The following PRDM5 variants were observed in gnomAD, a reference collection of about 807,000 sequenced individuals.
PRDM5 encodes the protein PR domain zinc finger protein 5.
PRDM5 carries 56 observed loss-of-function variants against 81.2 expected under a neutral mutation model. The observed-to-expected ratio is 0.69, with a 90% CI of 0.56 to 0.86. The LOEUF is 0.86. PRDM5 is among the 40% of genes least tolerant of loss of function. PRDM5 has a pLI of 0.00. For missense variants in PRDM5, 697 were observed against 770.1 expected (o/e 0.91, Z 1.12); for synonymous variants, 267 against 256.4 (o/e 1.04, Z -0.39).
intron 13 of PRDM5, among the ~76,000 whole-genome samples, chr4:120,758,851 G>A (rs1207322138): frequency 6.6e-6 from 1 of 151,888 alleles, no homozygotes; most frequent in Non-Finnish European, 1.5e-5. Flanking sequence ...TGCCTCCCGG[G>A]TTCACACCAT....
intron 14 of PRDM5, among the ~76,000 whole-genome samples, chr4:120,743,720 G>A (rs1439297307): frequency 7.6e-5 from 8 of 105,954 alleles, no homozygotes; most frequent in Non-Finnish European, 1.5e-4. Context: ...AATTCAACAA[G>A]AAGAGCTAAC....
intron 2 of PRDM5, among the ~76,000 whole-genome samples, chr4:120,856,532 C>T (rs1324212939): frequency 1.3e-5 from 2 of 152,150 alleles, no homozygotes; most frequent in African/African-American, 4.8e-5. Context: ...TCCACCAAAG[C>T]TGGTAGATTA....
At chr4:120,709,252 T>C (rs896073729) in intron 15 of PRDM5, among the ~76,000 whole-genome samples, 2 of 152,190 alleles carry the variant, frequency 1.3e-5, no homozygotes, top group African/African-American at 4.8e-5. Context: ...TTTGCCTTTA[T>C]GAAAATCCTT....
chr4:120,715,234 A>C (rs925858203), intron 14 of PRDM5, among the ~76,000 whole-genome samples: 6 of 152,290 alleles, frequency 3.9e-5, no homozygotes, highest in Admixed American at 6.5e-5. Context: ...CCTGAGGGCT[A>C]TCATTACTTT....
chr4:120,742,529 G>GA lies in PRDM5; in HGVS notation c.1623+12023dup, dbSNP rs537682711. On this transcript the variant is annotated intron_variant, in intron 14 of 15. Transcript: ENST00000264808. ...CAAAGGCAAAGAAGTTGAAAACTTT[G>GA]AAAAAAATTTAGAAGAATGTATAAC... Among the ~76,000 whole-genome samples the GA allele has an allele frequency of 2.4e-3, 359 of 151,874 alleles. 1 individual carries two copies. The highest frequency in any genetic ancestry group is 8.3e-3 in the African/African-American group (344 of 41,500).
rs1295853678 is a variant in PRDM5, at chr4:120,695,139, T to C, written c.1865A>G (p.Asp622Gly). 2 of 1,613,380 alleles carry C rather than the reference T, an allele frequency of 1.2e-6. No individual in the cohort carries two copies. The highest frequency in any genetic ancestry group is 1.7e-5 in the Admixed American group (1 of 59,986). The change falls in exon 16 of 16, where the codon GAC (aspartate) becomes GGC (glycine). Residue 622 changes from aspartate (D) to glycine (G), a missense_variant. Physicochemically the swap from Asp to Gly is moderately conservative, Grantham distance 94. Around this residue, in one of 3 missense-constraint regions of PRDM5, gnomAD observed 34 missense variants for 28.1 expected, o/e 1.21. Transcript: ENST00000264808. ...TRNDYLKVHMDNIHGVADS is the reference protein window; with the variant it reads ...TRNDYLKVHMGNIHGVADS Reference sequence around the variant, plus strand: ...GCTGTCAGCTACACCATGGATATTGTCCATGTGCACTTTGAGGTAGTCATT... The same window carrying C: ...GCTGTCAGCTACACCATGGATATTGCCCATGTGCACTTTGAGGTAGTCATT...
chr4:120,839,222 T>C (rs200110259), intron 3 of PRDM5: 1 of 702,958 alleles, frequency 1.4e-6, no homozygotes, highest in Non-Finnish European at 2.6e-6. Context: ...CTCAGTCTTG[T>C]CTGTGTTACA....
chr4:120,922,449 G>A, intron 1 of PRDM5, 67 bp downstream of exon 1: 1 of 1,309,922 alleles, frequency 7.6e-7, no homozygotes, highest in Non-Finnish European at 9.8e-7. Flanking sequence ...CCCTGCGGCA[G>A]GGCGACTCCG....
chr4:120,741,588 A>G (rs1741977210), intron 14 of PRDM5, among the ~76,000 whole-genome samples: 2 of 152,018 alleles, frequency 1.3e-5, no homozygotes, highest in Non-Finnish European at 2.9e-5. Flanking sequence ...CACGAGCCGA[A>G]GCAGGGCCAG....
chr4:120,785,221 C>T (rs1749611279), intron 10 of PRDM5, 130 bp from the exon 11 acceptor site: 3 of 708,434 alleles, frequency 4.2e-6, no homozygotes, highest in African/African-American at 1.8e-5. Context: ...TCTTCTAGTG[C>T]CATTCTTCCA....
At chr4:120,775,753 A>G (rs1414593364) in intron 13 of PRDM5, among the ~76,000 whole-genome samples, 1 of 152,144 alleles carries the variant, frequency 6.6e-6, no homozygotes, top group Admixed American at 6.6e-5. Context: ...TGGCACAAAG[A>G]TATCTTCTAA....
intron 10 of PRDM5, among the ~76,000 whole-genome samples, chr4:120,790,701 A>G (rs76285173): frequency 0.2 from 30,299 of 152,244 alleles, 3,672 homozygotes; most frequent in Non-Finnish European, 0.28. Flanking sequence ...CATAACATAA[A>G]TCTGTAGAAT....
chr4:120,811,438 T>C lies in PRDM5; in HGVS notation c.877A>G (p.Lys293Glu), dbSNP rs779601690. ...QENVHTGDPK[K>E]KLICSVCNKK... is the part of the protein sequence containing the mutation. The stretch of plus-strand genomic sequence containing the variant: ...TTGCACACTGAACATATAAGCTTTT[T>C]CTTAGGATCTCCTAAAATAGAAATA... The change falls in exon 8 of 16, where the codon AAA (lysine) becomes GAA (glutamate). Residue 293 changes from lysine (K) to glutamate (E), a missense_variant. Lys to Glu is a moderately conservative substitution (Grantham distance 56). Transcript: ENST00000264808. 9 of 1,587,844 alleles carry C rather than the reference T, an allele frequency of 5.7e-6. No individual in the cohort carries two copies. The South Asian group carries it at 8.9e-5, about 16-fold the overall frequency.
intron 2 of PRDM5, among the ~76,000 whole-genome samples, chr4:120,906,341 T>A (rs1461230920): frequency 6.6e-6 from 1 of 152,124 alleles, no homozygotes; most frequent in Non-Finnish European, 1.5e-5. Context: ...TACAGTAACA[T>A]GCTGTACAGG....
At chr4:120,719,926 T>C (rs1738343535) in intron 14 of PRDM5, among the ~76,000 whole-genome samples, 1 of 152,174 alleles carries the variant, frequency 6.6e-6, no homozygotes, top group Admixed American at 6.5e-5. Context: ...ATTTTTGATA[T>C]CAGGAAGATG....
intron 10 of PRDM5, among the ~76,000 whole-genome samples, chr4:120,792,954 A>G (rs1396997321): frequency 3.9e-5 from 6 of 152,140 alleles, no homozygotes; most frequent in Non-Finnish European, 7.4e-5. Context: ...ATGTTGGTCA[A>G]GGGATACAAA....
At chr4:120,845,248 A>G (rs1322725775) in intron 3 of PRDM5, among the ~76,000 whole-genome samples, 1 of 152,270 alleles carries the variant, frequency 6.6e-6, no homozygotes, top group South Asian at 2.1e-4. Flanking sequence ...CAGATTTTCA[A>G]TGTACAAGAA....
intron 12 of PRDM5, 138 bp downstream of exon 12, chr4:120,781,005 C>T: frequency 1.3e-6 from 1 of 787,138 alleles, no homozygotes; most frequent in Non-Finnish European, 2.0e-6. Context: ...GTCTGAAGAG[C>T]TGATATAAAT....
chr4:120,749,075 G>T (rs1015724988), intron 14 of PRDM5, among the ~76,000 whole-genome samples: 1 of 152,040 alleles, frequency 6.6e-6, no homozygotes, highest in African/African-American at 2.4e-5. Context: ...GATGTGGAAA[G>T]CCACAAAGAA....
Sources: gnomAD v4.1 joint callset for allele counts (sites outside exome capture counted in the v4.1 genomes callset) on GRCh38, gnomAD v4.1.1 for gene constraint, gnomAD v4.1.1 regional missense constraint, MANE v1.5 for transcripts, NCBI Gene and HGNC (gene_info 2026-07-23, HGNC 2026-07-21) for gene names.